The following HS6ST3 variants were observed in gnomAD, a reference collection of about 807,000 sequenced individuals.
The protein encoded by HS6ST3 is heparan-sulfate 6-O-sulfotransferase 3.
In HS6ST3, 12 loss-of-function variants were observed where a neutral mutation model predicts 36.7. The observed-to-expected ratio is 0.33, with a 90% confidence interval of 0.21 to 0.53. The LOEUF (loss-of-function observed/expected upper bound fraction) is 0.53. Among genes scored for constraint, HS6ST3 ranks in the 20% least tolerant of loss-of-function variants. The pLI is 0.95. For missense variants in HS6ST3, 584 were observed against 640.9 expected (o/e 0.91, Z 0.96); for synonymous variants, 240 against 257.5 (o/e 0.93, Z 0.65).
At position 96,269,660 on chromosome 13, in the gene HS6ST3, C is replaced by A. The variant is rs184551900; in HGVS notation, c.707+178091C>A. 2.0e-5 allele frequency among the ~76,000 whole-genome samples: 3 copies of A among 152,090 alleles called. No homozygotes were observed. In the East Asian group the frequency reaches 5.8e-4, roughly 29 times the overall value. The stretch of plus-strand genomic sequence containing the variant: ...AGGAATACTAGACCCAAAGGAAAGT[C>A]GTCTTTAGCTTTGACTGAGTTTTCA... On this transcript the variant is annotated intron_variant, in intron 1 of 1. Transcript: ENST00000376705.
At chr13:96,749,380 A>G (rs1876643539) in intron 1 of HS6ST3, among the ~76,000 whole-genome samples, 1 of 152,156 alleles carries the variant, frequency 6.6e-6, no homozygotes. Context: ...ATATGCATGT[A>G]TATAGTTTGG....
chr13:96,332,672 A>G (rs1177120909), intron 1 of HS6ST3, among the ~76,000 whole-genome samples: 1 of 152,254 alleles, frequency 6.6e-6, no homozygotes, highest in Non-Finnish European at 1.5e-5. Context: ...GAATGCCACT[A>G]TGACCGAAGG....
rs117321602 is a variant in HS6ST3, at chr13:96,528,643, C to T, written c.708-303847C>T. Among the ~76,000 whole-genome samples the T allele has an allele frequency of 9.1e-3, 1,378 of 152,258 alleles. 11 individuals carry two copies. Among genetic ancestry groups the T allele is most frequent in the Non-Finnish European group, 0.015 (1,021 of 67,990 alleles). ...AAGTTGACAATGTATTTTACTATAA[C>T]ACTGTACAAAAGGTTCATTCGTAAA... On this transcript the variant is annotated intron_variant, in intron 1 of 1. Transcript: ENST00000376705.
intron 1 of HS6ST3, among the ~76,000 whole-genome samples, chr13:96,732,768 T>A (rs1372213924): frequency 6.6e-6 from 1 of 152,248 alleles, no homozygotes; most frequent in Non-Finnish European, 1.5e-5. Flanking sequence ...TTAACAATAG[T>A]ATCTTTTACA....
At chr13:96,600,762 C>T (rs2056418496) in intron 1 of HS6ST3, among the ~76,000 whole-genome samples, 2 of 151,802 alleles carry the variant, frequency 1.3e-5, no homozygotes, top group African/African-American at 4.8e-5. Flanking sequence ...TTTATAAGCC[C>T]TGTGAGTTTT....
Position 96,779,224 on chromosome 13 carries a change from C to T in HS6ST3, c.708-53266C>T, listed in dbSNP as rs190584912. On this transcript the variant is annotated intron_variant, in intron 1 of 1. Coordinates refer to ENST00000376705, the MANE Select transcript of HS6ST3 (RefSeq NM_153456.4). Reference sequence around the variant, plus strand: ...TAGTAGAAATACCTAATGTAGATGACGGGTTGATGGGTGCAACAAACTACC... The same window carrying T: ...TAGTAGAAATACCTAATGTAGATGATGGGTTGATGGGTGCAACAAACTACC... 7.0e-4 allele frequency among the ~76,000 whole-genome samples: 106 copies of T among 151,846 alleles called. 2 individuals are homozygous for T. Among genetic ancestry groups the T allele is most frequent in the African/African-American group, 2.4e-3 (98 of 41,402 alleles).
At chr13:96,482,432 G>T (rs2055894315) in intron 1 of HS6ST3, among the ~76,000 whole-genome samples, 1 of 150,222 alleles carries the variant, frequency 6.7e-6, no homozygotes, top group Non-Finnish European at 1.5e-5. Flanking sequence ...ATCTCTTTAG[G>T]TTCACAGTTC....
intron 1 of HS6ST3, among the ~76,000 whole-genome samples, chr13:96,507,094 G>GA (rs764552419): frequency 1.3e-5 from 2 of 152,056 alleles, no homozygotes; most frequent in Non-Finnish European, 2.9e-5. Context: ...TTAATAGACT[G>GA]AAAAAAATTG....
intron 1 of HS6ST3, among the ~76,000 whole-genome samples, chr13:96,175,287 C>T (rs977921927): frequency 6.6e-6 from 1 of 152,062 alleles, no homozygotes; most frequent in Non-Finnish European, 1.5e-5. Context: ...TTCCCGGGAG[C>T]GTGTGCACTT....
intron 1 of HS6ST3, among the ~76,000 whole-genome samples, chr13:96,542,764 G>C (rs553695658): frequency 6.6e-6 from 1 of 152,060 alleles, no homozygotes; most frequent in Admixed American, 6.6e-5. Flanking sequence ...GGACTACAAC[G>C]GTCAATCTCT....
At chr13:96,654,793 G>A (rs1412422421) in intron 1 of HS6ST3, among the ~76,000 whole-genome samples, 2 of 152,124 alleles carry the variant, frequency 1.3e-5, no homozygotes, top group African/African-American at 4.8e-5. Flanking sequence ...AACAAAAGAT[G>A]TCTGTAGTGA....
chr13:96,270,669 C>T (rs1313401843), intron 1 of HS6ST3, among the ~76,000 whole-genome samples: 3 of 151,776 alleles, frequency 2.0e-5, no homozygotes, highest in Admixed American at 6.6e-5. Context: ...AATTAATGGT[C>T]CCTGTCCTCA....
In HS6ST3 at chr13:96,291,086, T is replaced by C. The variant is rs565807733; in HGVS notation, c.707+199517T>C. On this transcript the variant is annotated intron_variant, in intron 1 of 1. Coordinates refer to ENST00000376705, the MANE Select transcript of HS6ST3 (RefSeq NM_153456.4). ...ACTCATCCCTGACATTTTATATTCTTTATATCCTGCCCATTTTTTCTTTTA... is the reference window on the plus strand; with the variant it reads ...ACTCATCCCTGACATTTTATATTCTCTATATCCTGCCCATTTTTTCTTTTA... Among the ~76,000 whole-genome samples the C allele has an allele frequency of 2.5e-3, 386 of 152,348 alleles. 1 individual carries two copies. The highest frequency in any genetic ancestry group is 4.5e-3 in the Non-Finnish European group (308 of 68,026).
At chr13:96,776,113 G>A (rs1877381538) in intron 1 of HS6ST3, among the ~76,000 whole-genome samples, 1 of 151,982 alleles carries the variant, frequency 6.6e-6, no homozygotes, top group Non-Finnish European at 1.5e-5. Flanking sequence ...CGAAATGAAG[G>A]CAGAAATAAA....
At chr13:96,156,811 C>CACGAGAAA (rs2054112771) in intron 1 of HS6ST3, among the ~76,000 whole-genome samples, 3 of 152,146 alleles carry the variant, frequency 2.0e-5, no homozygotes, top group African/African-American at 7.2e-5. Flanking sequence ...TCAGTAATTA[C>CACGAGAAA]ATGAGAAAAT....
chr13:96,294,273 A>T (rs2054843961), intron 1 of HS6ST3, among the ~76,000 whole-genome samples: 1 of 152,140 alleles, frequency 6.6e-6, no homozygotes, highest in Non-Finnish European at 1.5e-5. Flanking sequence ...ATTTCAGAGC[A>T]ATTTCTATAT....
At chr13:96,643,094 G>A (rs965782027) in intron 1 of HS6ST3, among the ~76,000 whole-genome samples, 1 of 151,964 alleles carries the variant, frequency 6.6e-6, no homozygotes, top group African/African-American at 2.4e-5. Context: ...TGACTTTTCT[G>A]AGTAAATTCT....
intron 1 of HS6ST3, among the ~76,000 whole-genome samples, chr13:96,309,553 T>C (rs762270115): frequency 1.1e-4 from 17 of 152,194 alleles, no homozygotes; most frequent in Non-Finnish European, 2.4e-4. Context: ...TTAACATTAA[T>C]GCAAACTCTG....
intron 1 of HS6ST3, among the ~76,000 whole-genome samples, chr13:96,621,885 T>C (rs558221526): frequency 1.4e-3 from 215 of 152,296 alleles, no homozygotes; most frequent in African/African-American, 5.0e-3. Flanking sequence ...GTGAGGTGTC[T>C]CACCAAACAA....
Sources: gnomAD v4.1 joint callset for allele counts (sites outside exome capture counted in the v4.1 genomes callset) on GRCh38, gnomAD v4.1.1 for gene constraint, MANE v1.5 for transcripts, NCBI Gene and HGNC (gene_info 2026-07-23, HGNC 2026-07-21) for gene names.